The following ZFHX3 variants were observed in gnomAD, a reference collection of about 807,000 sequenced individuals.
ZFHX3 encodes the protein zinc finger homeobox 3, also known as zinc finger homeobox protein 3.
Under a neutral mutation model 279.1 loss-of-function variants are expected in ZFHX3, and 42 were observed. The observed-to-expected ratio is 0.15, with a 90% confidence interval of 0.12 to 0.19. The LOEUF is 0.19. ZFHX3 is among the 10% of genes least tolerant of loss of function. The probability of loss-of-function intolerance (pLI) is 1.00; values close to 1 mark genes in which losing one functional copy is unlikely to be tolerated. For missense variants in ZFHX3, 4,981 were observed against 4,754.0 expected, an observed-to-expected ratio of 1.05 and a Z score of -1.40; for synonymous variants, 2,293 against 1,957.8, an observed-to-expected ratio of 1.17 and a Z score of -4.52.
intron 5 of ZFHX3, among the ~76,000 whole-genome samples, chr16:73,225,255 T>TA: frequency 6.6e-6 from 1 of 152,232 alleles, no homozygotes; most frequent in East Asian, 1.9e-4. Context: ...CTGTCTACAA[T>TA]AGAGAGTAAA....
chr16:73,376,414 C>T (rs755848424), intron 3 of ZFHX3, among the ~76,000 whole-genome samples: 3 of 152,148 alleles, frequency 2.0e-5, no homozygotes, highest in Admixed American at 6.5e-5. Flanking sequence ...TCAGCTCGTC[C>T]GTAGAATTTT....
intron 2 of ZFHX3, among the ~76,000 whole-genome samples, chr16:73,591,326 C>A (rs1011266024): frequency 7.3e-5 from 11 of 151,642 alleles, no homozygotes; most frequent in African/African-American, 2.7e-4. Context: ...GCACTCCAGC[C>A]TGGGTGACAA....
chr16:73,386,774 A>T (rs1412145403), intron 3 of ZFHX3: 1 of 151,012 alleles, frequency 6.6e-6, no homozygotes, highest in Non-Finnish European at 1.5e-5. Context: ...GATTCTAGAG[A>T]TTGGAGGAGT....
At position 72,793,535 on chromosome 16, in the gene ZFHX3, G is replaced by A. The variant is rs2035787366; in HGVS notation, c.9147C>T (p.Ile3049=). The A allele has an allele frequency of 1.2e-6, 2 of 1,614,094 alleles. No individual in the cohort carries two copies. Among genetic ancestry groups the A allele is most frequent in the African/African-American group, 2.7e-5 (2 of 74,928 alleles). Residue 3049 remains isoleucine, a synonymous_variant, in exon 9 of 10, where the codon ATC becomes ATT. Coordinates refer to ENST00000268489, the MANE Select transcript of ZFHX3 (RefSeq NM_006885.4). This position sits in a 1 kb window ranked among gnomAD's most constrained non-coding sequence, Gnocchi z 4.3. Reference sequence around the variant, plus strand: ...TTCCAATGGTGTCTTTAACTTTGGAGATATGCTGTTGGGAAAAGATATGGT... The same window carrying A: ...TTCCAATGGTGTCTTTAACTTTGGAAATATGCTGTTGGGAAAAGATATGGT... ...VRDHIFSQQH[I]SKVKDTIGSQ... is the part of the protein sequence containing the mutation.
At chr16:73,632,421 G>C (rs909444286) in intron 2 of ZFHX3, among the ~76,000 whole-genome samples, 1 of 152,070 alleles carries the variant, frequency 6.6e-6, no homozygotes, top group African/African-American at 2.4e-5. Context: ...GGTGGCTCAC[G>C]CCTGTAATCC....
At chr16:73,679,903 A>C (rs1293749768) in intron 2 of ZFHX3, 3 of 152,156 alleles carry the variant, frequency 2.0e-5, no homozygotes, top group Non-Finnish European at 1.5e-5. Flanking sequence ...TTTTTTCCAG[A>C]CCAAATATTA....
intron 1 of ZFHX3, among the ~76,000 whole-genome samples, chr16:73,841,895 C>G (rs1447650857): frequency 6.6e-6 from 1 of 152,080 alleles, no homozygotes; most frequent in Non-Finnish European, 1.5e-5. Context: ...AACCCAACTT[C>G]ATGACTTTTC....
chr16:72,904,123 T>C (rs1346539357), intron 3 of ZFHX3, among the ~76,000 whole-genome samples: 1 of 152,156 alleles, frequency 6.6e-6, no homozygotes, highest in African/African-American at 2.4e-5. Flanking sequence ...CCTAGCACTG[T>C]GGGAGGCCAA....
chr16:73,730,994 T>C (rs1254407277), intron 1 of ZFHX3, among the ~76,000 whole-genome samples: 2 of 152,198 alleles, frequency 1.3e-5, no homozygotes, highest in African/African-American at 2.4e-5. Flanking sequence ...AAATCAATGA[T>C]GTCAGTCTAT....
At chr16:73,533,759 A>T (rs914147730) in intron 2 of ZFHX3, among the ~76,000 whole-genome samples, 1 of 152,112 alleles carries the variant, frequency 6.6e-6, no homozygotes, top group Non-Finnish European at 1.5e-5. Flanking sequence ...CTCAAGAAAA[A>T]AGTACTGGGA....
rs988261422 is a variant in ZFHX3 at position 73,440,281 on chromosome 16, T to C, written c.-1291+15722A>G. Among the ~76,000 whole-genome samples, 77 of 152,236 alleles carry C rather than the reference T, an allele frequency of 5.1e-4. 1 individual carries two copies. The highest frequency in any genetic ancestry group is 8.8e-5 in the Non-Finnish European group (6 of 68,014). The stretch of plus-strand genomic sequence containing the variant: ...TCAATACCGTGTTACTGAATTACAA[T>C]CAGAATTCAGTGGAGCAACATCCAG... On this transcript the variant is annotated intron_variant, in intron 3 of 17. Coordinates refer to the ZFHX3 transcript ENST00000641206.
chr16:73,608,094 A>G (rs2143876439), intron 2 of ZFHX3, among the ~76,000 whole-genome samples: 1 of 152,096 alleles, frequency 6.6e-6, no homozygotes, highest in East Asian at 1.9e-4. Context: ...AAAAAAAGAG[A>G]ATAGGGGAAG....
chr16:73,872,331 T>A (rs974951587), intron 1 of ZFHX3, among the ~76,000 whole-genome samples: 1 of 151,826 alleles, frequency 6.6e-6, no homozygotes, highest in African/African-American at 2.4e-5. Flanking sequence ...AGCCTCCACC[T>A]CCCAGGCTCT....
intron 3 of ZFHX3, among the ~76,000 whole-genome samples, chr16:72,943,343 G>A (rs564286803): frequency 1.3e-5 from 2 of 152,226 alleles, no homozygotes; most frequent in African/African-American, 4.8e-5. Context: ...AGACCAGCCT[G>A]GCCACCATGG....
In ZFHX3 at chr16:72,950,515, A is replaced by T; in HGVS notation, c.3170T>A (p.Leu1057Gln). Reference protein sequence around the residue: ...YYTNSLEKLRLHTVNSRHEAS... With the variant: ...YYTNSLEKLRQHTVNSRHEAS... ...CTCGTGCCTGGAGTTGACCGTGTGC[A>T]GCCGCAGCTTCTCCAGGCTGTTGGT... is the stretch of plus-strand genomic sequence containing the variant. Residue 1057 changes from leucine to glutamine, a missense_variant, in exon 3 of 10, where the codon CTG (leucine) becomes CAG (glutamine). Around this residue, in one of 7 missense-constraint regions of ZFHX3, gnomAD observed 1,751 missense variants for 1,770.0 expected, o/e 0.99. Coordinates refer to ENST00000268489, the MANE Select transcript of ZFHX3 (RefSeq NM_006885.4). 1.2e-6 allele frequency: 2 copies of T among 1,614,238 alleles called. No individual in the cohort carries two copies. Among genetic ancestry groups the T allele is most frequent in the Non-Finnish European group, 1.7e-6 (2 of 1,180,038 alleles).
intron 3 of ZFHX3, among the ~76,000 whole-genome samples, chr16:73,365,450 T>C (rs1238532291): frequency 6.6e-6 from 1 of 152,208 alleles, no homozygotes; most frequent in East Asian, 1.9e-4. Flanking sequence ...AGAAATTGTT[T>C]ATGACTTGCT....
intron 7 of ZFHX3, chr16:72,807,192 G>C (rs1170666075): frequency 6.6e-6 from 1 of 152,216 alleles, no homozygotes; most frequent in African/African-American, 2.4e-5. Context: ...TTTGTAAATA[G>C]GTGAGAGTTC....
rs1314795041 is a variant in ZFHX3 at position 72,932,600 on chromosome 16, T to C, written c.3216+17869A>G. ...AATTACTGGCTCAAGGTCATTTCAC[T>C]AAACATCGGTCATAATCTCTCTTCA... On this transcript the variant is annotated intron_variant, in intron 3 of 9. Transcript: ENST00000268489. Among the ~76,000 whole-genome samples, 10 of 133,662 alleles carry C rather than the reference T, an allele frequency of 7.5e-5. No homozygotes were observed. The Admixed American group carries it at 8.6e-4, about 12-fold the overall frequency. 87.7% of individuals were successfully genotyped at this position (133,662 alleles called of 152,430 possible). A position where few individuals can be genotyped will look rare whatever the true frequency, so the allele number is the denominator to read the frequency against.
At chr16:73,402,753 G>A (rs1467604643) in intron 3 of ZFHX3, among the ~76,000 whole-genome samples, 3 of 152,134 alleles carry the variant, frequency 2.0e-5, no homozygotes. Flanking sequence ...TGCAAGCTAA[G>A]TAATCAGTTG....
Sources: allele counts gnomAD v4.1 joint callset (sites outside exome capture counted in the v4.1 genomes callset), GRCh38; gene constraint gnomAD v4.1.1; regional missense constraint gnomAD v4.1.1; non-coding constraint Gnocchi (gnomAD v3.1); transcripts MANE v1.5; gene names NCBI Gene and HGNC (gene_info 2026-07-23, HGNC 2026-07-21).